The following CTNNA3 variants were observed in gnomAD, a reference collection of about 807,000 sequenced individuals.
CTNNA3 encodes catenin alpha 3.
CTNNA3 carries 76 observed loss-of-function variants against 95.7 expected under a neutral mutation model. The observed-to-expected ratio is 0.79, with a 90% CI of 0.66 to 0.96. CTNNA3 has a LOEUF of 0.96. Ranked by LOEUF, CTNNA3 falls within the 40% of genes least tolerant of loss-of-function variation. CTNNA3 has a pLI of 0.00. For missense variants in CTNNA3, 1,191 were observed against 1,089.8 expected (o/e 1.09, Z -1.31); for synonymous variants, 431 against 374.4 (o/e 1.15, Z -1.74).
chr10:67,245,587 T>TA (rs940060548), intron 5 of CTNNA3, among the ~76,000 whole-genome samples: 1 of 152,136 alleles, frequency 6.6e-6, no homozygotes, highest in African/African-American at 2.4e-5. Context: ...GGCCAGGTGC[T>TA]AGTGGCTCAC....
chr10:67,000,077 T>C (rs1057110668), intron 7 of CTNNA3, among the ~76,000 whole-genome samples: 5 of 152,212 alleles, frequency 3.3e-5, no homozygotes, highest in African/African-American at 1.2e-4. Context: ...ATGATCATGA[T>C]AGCATTTTCT....
At chr10:67,506,990 A>G (rs1243773944) in intron 5 of CTNNA3, among the ~76,000 whole-genome samples, 1 of 152,144 alleles carries the variant, frequency 6.6e-6, no homozygotes, top group Non-Finnish European at 1.5e-5. Context: ...AGCTGTTCCC[A>G]TATTCAGTCT....
intron 5 of CTNNA3, among the ~76,000 whole-genome samples, chr10:67,327,317 C>A (rs2132570712): frequency 6.6e-6 from 1 of 152,286 alleles, no homozygotes; most frequent in African/African-American, 2.4e-5. Context: ...TTTGAGTTAT[C>A]AGGGTTCTTG....
intron 7 of CTNNA3, among the ~76,000 whole-genome samples, chr10:67,032,086 G>A (rs897933774): frequency 1.3e-5 from 2 of 152,004 alleles, no homozygotes; most frequent in African/African-American, 4.8e-5. Flanking sequence ...TCATATTTTA[G>A]CTCATGAAAT....
chr10:66,861,896 G>A (rs938502914), intron 7 of CTNNA3, among the ~76,000 whole-genome samples: 1 of 152,158 alleles, frequency 6.6e-6, no homozygotes, highest in African/African-American at 2.4e-5. Context: ...AATATTAGAA[G>A]TGGTGTGGGT....
At chr10:66,702,334 G>T (rs1847972113) in intron 9 of CTNNA3, among the ~76,000 whole-genome samples, 1 of 151,916 alleles carries the variant, frequency 6.6e-6, no homozygotes, top group African/African-American at 2.4e-5. Flanking sequence ...CAAAACAGTT[G>T]AAGGACCAGG....
chr10:67,390,690 C>G (rs562414808), intron 5 of CTNNA3, among the ~76,000 whole-genome samples: 1 of 149,922 alleles, frequency 6.7e-6, no homozygotes, highest in Non-Finnish European at 1.5e-5. Context: ...AGCAGCACAT[C>G]AAAAAGCTTA....
chr10:66,564,218 T>C (rs1842639317), intron 10 of CTNNA3, among the ~76,000 whole-genome samples: 1 of 152,202 alleles, frequency 6.6e-6, no homozygotes, highest in African/African-American at 2.4e-5. Context: ...CTTGGTGCTA[T>C]GTTCATATTT....
intron 1 of CTNNA3, chr10:67,648,683 T>C (rs1554870179): frequency 7.0e-6 from 8 of 1,142,038 alleles, no homozygotes; most frequent in Non-Finnish European, 9.2e-6. Context: ...TTACTGTTAT[T>C]GGCATATGAT....
intron 12 of CTNNA3, among the ~76,000 whole-genome samples, chr10:66,289,689 T>A (rs2091647230): frequency 6.6e-6 from 1 of 152,060 alleles, no homozygotes; most frequent in Non-Finnish European, 1.5e-5. Context: ...ATTTACCTCC[T>A]AATTTCTTTT....
intron 2 of CTNNA3, among the ~76,000 whole-genome samples, chr10:67,642,453 C>G (rs1269482554): frequency 6.6e-6 from 1 of 152,158 alleles, no homozygotes; most frequent in Non-Finnish European, 1.5e-5. Context: ...TGCGGTGGCT[C>G]ATGCCTGCAA....
chr10:66,307,314 T>G (rs2091948365), intron 12 of CTNNA3, among the ~76,000 whole-genome samples: 1 of 152,204 alleles, frequency 6.6e-6, no homozygotes, highest in African/African-American at 2.4e-5. Flanking sequence ...AAAATAAGTT[T>G]TATCATTATA....
intron 11 of CTNNA3, among the ~76,000 whole-genome samples, chr10:66,468,697 T>C (rs1393646691): frequency 3.9e-5 from 6 of 151,950 alleles, no homozygotes; most frequent in African/African-American, 1.4e-4. Flanking sequence ...TATTTTACAA[T>C]GTATACGTAT....
At chr10:67,695,086 A>G (rs772694020) in intron 1 of CTNNA3, among the ~76,000 whole-genome samples, 41 of 152,344 alleles carry the variant, frequency 2.7e-4, no homozygotes, top group Middle Eastern at 3.4e-3. Context: ...TCTTCAAATC[A>G]CAACTATTCT....
At position 67,521,928 on chromosome 10, in the gene CTNNA3, C is replaced by T. The variant is rs765439915; in HGVS notation, c.493G>A (p.Ala165Thr). 6.2e-7 allele frequency: 1 copy of T among 1,612,920 alleles called. No homozygotes were observed. Among genetic ancestry groups the T allele is most frequent in the Admixed American group, 1.7e-5 (1 of 59,982 alleles). The change falls in exon 5 of 18, where the codon GCC (alanine) becomes ACC (threonine). Residue 165 changes from alanine (A) to threonine (T), a missense_variant. Transcript: ENST00000433211. ...QRTFESLKNV[A>T]NKSDLQKTYQ... Reference sequence around the variant, plus strand: ...GTTTTCTGGAGGTCAGATTTGTTGGCAACATTTTTGAGAGACTCAAATGTC... The same window carrying T: ...GTTTTCTGGAGGTCAGATTTGTTGGTAACATTTTTGAGAGACTCAAATGTC...
At chr10:66,010,652 G>T (rs2078988976) in intron 15 of CTNNA3, among the ~76,000 whole-genome samples, 1 of 152,110 alleles carries the variant, frequency 6.6e-6, no homozygotes, top group Non-Finnish European at 1.5e-5. Flanking sequence ...CACTCAGATG[G>T]CTCCCAAGGA....
upstream of CTNNA3, among the ~76,000 whole-genome samples, chr10:67,698,301 G>C (rs1430556496): frequency 1.3e-5 from 2 of 151,982 alleles, no homozygotes; most frequent in Non-Finnish European, 2.9e-5. Flanking sequence ...CAATTCTCCC[G>C]AGGTAATCAA....
At chr10:66,290,770 A>G (rs1174275069) in intron 12 of CTNNA3, among the ~76,000 whole-genome samples, 2 of 152,176 alleles carry the variant, frequency 1.3e-5, no homozygotes, top group Non-Finnish European at 2.9e-5. Flanking sequence ...AAATGATCTC[A>G]ACATGGCTTT....
At chr10:66,752,236 G>A (rs951868418) in intron 9 of CTNNA3, among the ~76,000 whole-genome samples, 5 of 151,898 alleles carry the variant, frequency 3.3e-5, no homozygotes, top group African/African-American at 4.8e-5. Context: ...TTGAATAAAT[G>A]GTAGACACAT....
Sources: gnomAD v4.1 joint callset for allele counts (sites outside exome capture counted in the v4.1 genomes callset) on GRCh38, gnomAD v4.1.1 for gene constraint, MANE v1.5 for transcripts, NCBI Gene and HGNC (gene_info 2026-07-23, HGNC 2026-07-21) for gene names.